The following CACNA1A variants were observed in gnomAD, a reference collection of about 807,000 sequenced individuals.
The protein encoded by CACNA1A is calcium voltage-gated channel subunit alpha1 A, also known as voltage-dependent P/Q-type calcium channel subunit alpha-1A.
CACNA1A carries 57 observed loss-of-function variants against 262.4 expected under a neutral mutation model. The ratio of observed to expected loss-of-function variants is 0.22; its 90% CI spans 0.18 to 0.27. The LOEUF (loss-of-function observed/expected upper bound fraction) is 0.27, where lower values mean the gene tolerates loss of function less well. Among genes scored for constraint, CACNA1A ranks in the 10% least tolerant of loss-of-function variants. The pLI is 1.00. For synonymous variants in CACNA1A, 1,431 were observed against 1,419.3 expected (o/e 1.01, Z -0.18); for missense variants, 2,526 against 3,562.8 (o/e 0.71, Z 7.41).
intron 3 of CACNA1A, among the ~76,000 whole-genome samples, chr19:13,413,482 G>A (rs1450319887): frequency 6.7e-6 from 1 of 150,176 alleles, no homozygotes; most frequent in Non-Finnish European, 1.5e-5. Flanking sequence ...CAAGGCAAGA[G>A]GATCCCTTGA....
Position 13,212,775 on chromosome 19 carries a change from G to C in CACNA1A, c.5941-35C>G, listed in dbSNP as rs1439086187. On this transcript the variant is annotated intron_variant, in intron 40 of 46. Coordinates refer to ENST00000360228, the MANE Select transcript of CACNA1A (RefSeq NM_001127222.2). The surrounding 1 kb of genome is among the most constrained non-coding windows in gnomAD (Gnocchi z 5.6). Reference sequence around the variant, plus strand: ...GGGGCAGAGAGCAGTGTGTGGACAAGGGTGGGGTGGTGGGACGGTGGTACC... The same window carrying C: ...GGGGCAGAGAGCAGTGTGTGGACAACGGTGGGGTGGTGGGACGGTGGTACC... 1 of 1,193,538 alleles carries C rather than the reference G, an allele frequency of 8.4e-7. No individual in the cohort carries two copies. Among genetic ancestry groups the C allele is most frequent in the African/African-American group, 1.5e-5 (1 of 65,650 alleles). 73.9% of individuals were successfully genotyped at this position (1,193,538 alleles called of 1,614,324 possible). A position where few individuals can be genotyped will look rare whatever the true frequency, so the allele number is the denominator to read the frequency against.
At chr19:13,239,775 C>T (rs1487396129) in intron 31 of CACNA1A, among the ~76,000 whole-genome samples, 1 of 151,782 alleles carries the variant, frequency 6.6e-6, no homozygotes. Flanking sequence ...GTAGATGTAG[C>T]AGAGAGGGCC....
At chr19:13,248,502 G>C (rs2056310922) in intron 30 of CACNA1A, among the ~76,000 whole-genome samples, 1 of 150,850 alleles carries the variant, frequency 6.6e-6, no homozygotes, top group African/African-American at 2.4e-5. Context: ...TGCAGCTCCA[G>C]GCCCCAGTGG....
intron 3 of CACNA1A, among the ~76,000 whole-genome samples, chr19:13,433,994 C>T (rs2060567559): frequency 6.6e-6 from 1 of 152,206 alleles, no homozygotes; most frequent in Non-Finnish European, 1.5e-5. Context: ...CCCAATTCCA[C>T]CACTTCCTAG....
chr19:13,467,445 C>T (rs2061267780), intron 1 of CACNA1A, among the ~76,000 whole-genome samples: 1 of 152,052 alleles, frequency 6.6e-6, no homozygotes, highest in Non-Finnish European at 1.5e-5. Context: ...CACTTCACTG[C>T]ACTCCAGCCT....
chr19:13,328,025 A>G (rs2058395267), intron 10 of CACNA1A, among the ~76,000 whole-genome samples: 1 of 152,042 alleles, frequency 6.6e-6, no homozygotes. Flanking sequence ...TAGCTTCCTA[A>G]ATAGATGGGA....
intron 3 of CACNA1A, among the ~76,000 whole-genome samples, chr19:13,441,968 TC>T (rs547495274): frequency 1.4e-4 from 21 of 152,214 alleles, no homozygotes; most frequent in African/African-American, 5.1e-4. Context: ...TGGAACAAGG[TC>T]ACCTGGCCAT....
rs1031605910 is a variant in CACNA1A, at chr19:13,257,172, T to G, written c.4590+178A>C. The stretch of plus-strand genomic sequence containing the variant: ...TAAACTGACTGATACATACACTATA[T>G]GATGTGTTTCCTCTGGAAACTCCAT... On this transcript the variant is annotated intron_variant, in intron 28 of 46. Transcript: ENST00000360228. 11 of 580,032 alleles carry G rather than the reference T, an allele frequency of 1.9e-5. No individual in the cohort carries two copies. In the East Asian group the frequency reaches 3.2e-4, roughly 17 times the overall value. The allele number at this position is 580,032 out of a possible 1,614,324, so 35.9% of individuals were successfully genotyped here.
chr19:13,296,963 T>G (rs2057678286), intron 19 of CACNA1A, among the ~76,000 whole-genome samples: 4 of 150,610 alleles, frequency 2.7e-5, no homozygotes, highest in Admixed American at 2.6e-4. Flanking sequence ...CTGCCTCTAT[T>G]GCCCAGACTG....
At chr19:13,221,374 A>G (rs975793018) in intron 38 of CACNA1A, among the ~76,000 whole-genome samples, 2 of 147,040 alleles carry the variant, frequency 1.4e-5, no homozygotes, top group African/African-American at 5.1e-5. Context: ...TTGGGATTAT[A>G]GGTGTGCACC....
chr19:13,384,996 G>T (rs1410246595), intron 3 of CACNA1A, among the ~76,000 whole-genome samples: 1 of 152,024 alleles, frequency 6.6e-6, no homozygotes, highest in Non-Finnish European at 1.5e-5. Flanking sequence ...TTGGCCTTTA[G>T]AGAGCTGCAC....
At chr19:13,334,259 G>GT (rs1439740560) in intron 8 of CACNA1A, 119 bp downstream of exon 8, 4 of 636,326 alleles carry the variant, frequency 6.3e-6, no homozygotes, top group Non-Finnish European at 1.1e-5. Context: ...ACCAATTCAG[G>GT]TTCTCTTTCT....
chr19:13,487,815 CTTTT>C (rs1174938891), intron 1 of CACNA1A, among the ~76,000 whole-genome samples: 1 of 151,876 alleles, frequency 6.6e-6, no homozygotes, highest in Non-Finnish European at 1.5e-5. Flanking sequence ...GGGTTTCTTT[CTTTT>C]TTAGAAATAG....
intron 1 of CACNA1A, among the ~76,000 whole-genome samples, chr19:13,495,484 G>C (rs1239155364): frequency 1.3e-5 from 2 of 152,090 alleles, no homozygotes; most frequent in African/African-American, 2.4e-5. Context: ...TTTTAGTAGA[G>C]ATGGGGCTTC....
At chr19:13,297,831 ATT>A (rs367899263) in intron 19 of CACNA1A, among the ~76,000 whole-genome samples, 10 of 144,120 alleles carry the variant, frequency 6.9e-5, no homozygotes, top group African/African-American at 7.6e-5. Flanking sequence ...AACATACAGC[ATT>A]TTTTTTTTTT....
rs567283764 is a variant in CACNA1A at position 13,300,756 on chromosome 19, C to T, written c.2173-100G>A. 27 of 950,184 alleles carry T rather than the reference C, an allele frequency of 2.8e-5. No individual in the cohort carries two copies. The South Asian group carries it at 2.8e-4, about 10-fold the overall frequency. The allele number at this position is 950,184 out of a possible 1,614,324, so 58.9% of individuals were successfully genotyped here. On this transcript the variant is annotated intron_variant, in intron 17 of 46. Coordinates refer to ENST00000360228, the MANE Select transcript of CACNA1A (RefSeq NM_001127222.2). ...ACCAGGGGCAACATTTGAAATATTT[C>T]GACCAATCAGAACCAAGGCTCCCCA...
intron 22 of CACNA1A, chr19:13,278,079 CTAAAA>C (rs2057192874): frequency 8.1e-6 from 1 of 122,718 alleles, no homozygotes; most frequent in Non-Finnish European, 1.6e-5. Flanking sequence ...CAGAGACTGT[CTAAAA>C]AAAAAAAAAA....
At chr19:13,461,832 AAAG>A (rs1222088420) in intron 1 of CACNA1A, among the ~76,000 whole-genome samples, 2 of 152,202 alleles carry the variant, frequency 1.3e-5, no homozygotes, top group African/African-American at 2.4e-5. Context: ...GCGGGGGCTG[AAAG>A]AAGAGAAGCA....
chr19:13,233,500 T>A (rs1397746008), intron 34 of CACNA1A, among the ~76,000 whole-genome samples: 4 of 152,160 alleles, frequency 2.6e-5, no homozygotes, highest in Non-Finnish European at 5.9e-5. Flanking sequence ...TATATTTTTC[T>A]TTTTAGAGAC....
Sources: gnomAD v4.1 joint callset for allele counts (sites outside exome capture counted in the v4.1 genomes callset) on GRCh38, gnomAD v4.1.1 for gene constraint, Gnocchi (gnomAD v3.1) non-coding constraint, MANE v1.5 for transcripts, NCBI Gene and HGNC (gene_info 2026-07-23, HGNC 2026-07-21) for gene names.